The following DPP4 variants were observed in gnomAD, a reference collection of about 807,000 sequenced individuals.
The protein encoded by DPP4 is ADCP-2.
DPP4 carries 93 observed loss-of-function variants against 122.4 expected under a neutral mutation model. That is an observed-to-expected ratio of 0.76 (90% confidence interval 0.64 to 0.90). The LOEUF is 0.90. Among genes scored for constraint, DPP4 ranks in the 40% least tolerant of loss-of-function variants. DPP4 has a pLI of 0.00. For synonymous variants in DPP4, 321 were observed against 302.9 expected (o/e 1.06, Z -0.62); for missense variants, 914 against 907.3 (o/e 1.01, Z -0.09).
At chr2:162,030,943 G>A (rs1415758495) in intron 10 of DPP4, among the ~76,000 whole-genome samples, 1 of 152,208 alleles carries the variant, frequency 6.6e-6, no homozygotes, top group Non-Finnish European at 1.5e-5. Flanking sequence ...AATCCGTCCT[G>A]AGAATTGCTT....
chr2:162,038,992 T>C lies in DPP4; in HGVS notation c.449A>G (p.Asn150Ser). ...RQLITEERIP[N>S]NTQWVTWSPV... is the part of the protein sequence containing the mutation. ...TGACCATGTGACCCACTGTGTGTTGTTTGGAATCCTCTCTTCTGTAATCAG... is the reference window on the plus strand; with the variant it reads ...TGACCATGTGACCCACTGTGTGTTGCTTGGAATCCTCTCTTCTGTAATCAG... The change falls in exon 7 of 26, where the codon AAC (asparagine) becomes AGC (serine). Residue 150 changes from asparagine to serine, a missense_variant. Physicochemically the swap from Asn to Ser is conservative, Grantham distance 46 (BLOSUM62 1). Transcript: ENST00000360534. 4 of 1,613,422 alleles carry C rather than the reference T, an allele frequency of 2.5e-6. No homozygotes were observed. The highest frequency in any genetic ancestry group is 3.4e-6 in the Non-Finnish European group (4 of 1,179,504).
At chr2:162,054,774 T>C (rs1449781873) in intron 2 of DPP4, among the ~76,000 whole-genome samples, 1 of 152,176 alleles carries the variant, frequency 6.6e-6, no homozygotes, top group Non-Finnish European at 1.5e-5. Flanking sequence ...TGCTTATAAA[T>C]TACCTAGTCT....
chr2:162,001,382 C>T (rs1001172010), intron 23 of DPP4, among the ~76,000 whole-genome samples: 3 of 152,192 alleles, frequency 2.0e-5, no homozygotes, highest in African/African-American at 7.2e-5. Flanking sequence ...CTTCCCCTCC[C>T]TACATGCTCC....
intron 10 of DPP4, among the ~76,000 whole-genome samples, chr2:162,031,290 A>G (rs970956129): frequency 1.3e-5 from 2 of 152,216 alleles, no homozygotes; most frequent in African/African-American, 4.8e-5. Flanking sequence ...CTAAGCTCCC[A>G]GGACTATTGC....
chr2:162,069,295 G>T lies in DPP4; in HGVS notation c.94+4104C>A, dbSNP rs376536261. Among the ~76,000 whole-genome samples, 629 of 152,222 alleles carry T rather than the reference G, an allele frequency of 4.1e-3. 4 individuals carry two copies. Among genetic ancestry groups the T allele is most frequent in the African/African-American group, 0.014 (600 of 41,522 alleles). On this transcript the variant is annotated intron_variant, in intron 2 of 25. Transcript: ENST00000360534. ...TAGTAAATGCATATTGGCTATTATT[G>T]TAGCTTGCATGCCTTCTCTTCCTCA...
intron 2 of DPP4, among the ~76,000 whole-genome samples, chr2:162,055,119 C>T (rs989073897): frequency 6.6e-6 from 1 of 152,066 alleles, no homozygotes; most frequent in African/African-American, 2.4e-5. Context: ...GAAAAATGAT[C>T]CTAATAAAAA....
chr2:162,028,718 A>T (rs1683436738), intron 10 of DPP4, among the ~76,000 whole-genome samples: 1 of 152,350 alleles, frequency 6.6e-6, no homozygotes. Context: ...TAAAATAATA[A>T]GTTCACACCC....
At chr2:162,018,302 A>C (rs1439791097) in intron 16 of DPP4, among the ~76,000 whole-genome samples, 2 of 152,172 alleles carry the variant, frequency 1.3e-5, no homozygotes, top group African/African-American at 2.4e-5. Context: ...TGCATAAGTC[A>C]CTTGGCCACT....
chr2:162,073,848 G>A (rs1246180985), intron 1 of DPP4, 128 bp downstream of exon 1: 2 of 1,273,916 alleles, frequency 1.6e-6, no homozygotes, highest in East Asian at 4.9e-5. Context: ...ACCTGTCAGA[G>A]GGTGGCCTTG....
At chr2:161,998,899 CAAAG>C (rs1233585158) in intron 23 of DPP4, among the ~76,000 whole-genome samples, 1 of 152,058 alleles carries the variant, frequency 6.6e-6, no homozygotes, top group Non-Finnish European at 1.5e-5. Flanking sequence ...TATTACACTA[CAAAG>C]AAAGAAAGAC....
At chr2:162,005,046 A>G (rs368966438) in intron 23 of DPP4, among the ~76,000 whole-genome samples, 1 of 152,238 alleles carries the variant, frequency 6.6e-6, no homozygotes, top group South Asian at 2.1e-4. Flanking sequence ...TACTTATGCT[A>G]GCACTTCCAG....
In DPP4 at chr2:162,029,532, C is replaced by T. The variant is rs544095297; in HGVS notation, c.887+4009G>A. ...TGCAGCACCCGTACACCCGCACAGT[C>T]GTAGCATGCAGGTCCTAATGTGCAG... On this transcript the variant is annotated intron_variant, in intron 10 of 25. Coordinates refer to ENST00000360534, the MANE Select transcript of DPP4 (RefSeq NM_001935.4). Among the ~76,000 whole-genome samples, 127 of 152,350 alleles carry T rather than the reference C, an allele frequency of 8.3e-4. 5 individuals carry two copies. In the South Asian group the frequency reaches 0.025, roughly 30 times the overall value.
Position 162,038,358 on chromosome 2 carries a change from G to A in DPP4, c.557C>T (p.Thr186Ile). Residue 186 changes from threonine to isoleucine, a missense_variant, in exon 8 of 26, where the codon ACA (threonine) becomes ATA (isoleucine). By Grantham distance (89) the Thr-to-Ile change is moderately conservative. Transcript: ENST00000360534. ...IEPNLPSYRI[T>I]WTGKEDIIYN... is the part of the protein sequence containing the mutation. ...TATTATATCTTCTTTCCCCGTCCAT[G>A]TGATTCTGTAACTTGGTAAATTTGG... 6.2e-7 allele frequency: 1 copy of A among 1,608,242 alleles called. No homozygotes were observed. Among genetic ancestry groups the A allele is most frequent in the Non-Finnish European group, 8.5e-7 (1 of 1,176,610 alleles).
At chr2:162,044,643 T>G (rs941135981) in intron 5 of DPP4, among the ~76,000 whole-genome samples, 4 of 152,188 alleles carry the variant, frequency 2.6e-5, no homozygotes, top group Non-Finnish European at 5.9e-5. Context: ...CTTCCTATAC[T>G]TGAACAACTT....
At chr2:162,020,331 AAGATT>A in intron 13 of DPP4, 35 bp from the exon 14 acceptor site, 7 of 1,427,710 alleles carry the variant, frequency 4.9e-6, no homozygotes, top group Non-Finnish European at 6.7e-6. Flanking sequence ...AAAAAAAAAA[AAGATT>A]GATTAGAGAC....
intron 2 of DPP4, among the ~76,000 whole-genome samples, chr2:162,061,471 G>T (rs1684768895): frequency 6.6e-6 from 1 of 151,778 alleles, no homozygotes; most frequent in South Asian, 2.1e-4. Context: ...CACATATTTT[G>T]CCAATTAATC....
intron 2 of DPP4, among the ~76,000 whole-genome samples, chr2:162,068,162 C>T (rs949613811): frequency 1.3e-5 from 2 of 152,158 alleles, no homozygotes; most frequent in African/African-American, 4.8e-5. Context: ...AGATGTCAGT[C>T]ATTGCCTATA....
At position 162,017,002 on chromosome 2, in the gene DPP4, T is replaced by C. The variant is rs41268651; in HGVS notation, c.1468+106A>G. 0.016 allele frequency: 22,913 copies of C among 1,431,148 alleles called. 239 individuals carry two copies. Among genetic ancestry groups the C allele is most frequent in the Non-Finnish European group, 0.019 (19,662 of 1,038,672 alleles). 88.7% of individuals were successfully genotyped at this position (1,431,148 alleles called of 1,614,324 possible). A position where few individuals can be genotyped will look rare whatever the true frequency, so the allele number is the denominator to read the frequency against. Reference sequence around the variant, plus strand: ...GGTTATAAGGCTTGTGTTCAACTCATTGTCAAGACACAAAGCCAAAGAAAA... The same window carrying C: ...GGTTATAAGGCTTGTGTTCAACTCACTGTCAAGACACAAAGCCAAAGAAAA... On this transcript the variant is annotated intron_variant, in intron 17 of 25. Coordinates refer to ENST00000360534, the MANE Select transcript of DPP4 (RefSeq NM_001935.4).
At chr2:162,058,384 T>A (rs559839919) in intron 2 of DPP4, among the ~76,000 whole-genome samples, 2 of 152,270 alleles carry the variant, frequency 1.3e-5, no homozygotes, top group Admixed American at 1.3e-4. Context: ...TAGCAATCTG[T>A]AACCAACAAA....
Sources: allele counts gnomAD v4.1 joint callset (sites outside exome capture counted in the v4.1 genomes callset), GRCh38; gene constraint gnomAD v4.1.1; transcripts MANE v1.5; gene names NCBI Gene and HGNC (gene_info 2026-07-23, HGNC 2026-07-21).